Variants in TTLL12 observed in about 807,000 individuals in gnomAD.
The protein encoded by TTLL12 is tubulin--tyrosine ligase-like protein 12.
In TTLL12, 77 loss-of-function variants were observed where a neutral mutation model predicts 79.6. That is an observed-to-expected ratio of 0.97 (90% CI 0.81 to 1.17). The LOEUF (loss-of-function observed/expected upper bound fraction) is 1.17. TTLL12 is among the 50% of genes most tolerant of loss of function. The pLI, the probability that TTLL12 is intolerant of heterozygous loss-of-function variation, is 0.00. For missense variants in TTLL12, 969 were observed against 895.9 expected, an observed-to-expected ratio of 1.08 and a Z score of -1.04; for synonymous variants, 437 against 376.1, an observed-to-expected ratio of 1.16 and a Z score of -1.87.
At chr22:43,183,798 C>T (rs1275737113) in intron 1 of TTLL12, among the ~76,000 whole-genome samples, 2 of 152,366 alleles carry the variant, frequency 1.3e-5, no homozygotes, top group African/African-American at 2.4e-5. Context: ...CCTGGCACAG[C>T]CACACTCACG....
In TTLL12 at chr22:43,171,890, G is replaced by T; in HGVS notation, c.1504C>A (p.Leu502Ile). ...WLRFSNRAFA[L>I]NDLDDYEKHF... The stretch of plus-strand genomic sequence containing the variant: ...TTCTCGTAGTCATCCAGGTCGTTGA[G>T]TGCAAAGGCCCTGGAAGACAAGTGT... Residue 502 changes from leucine to isoleucine, a missense_variant, in exon 11 of 14, where the codon CTC (leucine) becomes ATC (isoleucine). Transcript: ENST00000216129. 1.9e-6 allele frequency: 3 copies of T among 1,614,138 alleles called. No individual in the cohort carries two copies. The highest frequency in any genetic ancestry group is 2.5e-6 in the Non-Finnish European group (3 of 1,179,994).
At chr22:43,185,248 TA>T (rs1324422673) in intron 1 of TTLL12, among the ~76,000 whole-genome samples, 22 of 272 alleles carry the variant, frequency 0.081, 1 homozygote, top group Admixed American at 0.17. Flanking sequence ...AGAAAAAAAT[TA>T]TATATATATA....
chr22:43,170,465 C>G (rs546961387), intron 11 of TTLL12, among the ~76,000 whole-genome samples: 1 of 152,234 alleles, frequency 6.6e-6, no homozygotes, highest in Non-Finnish European at 1.5e-5. Flanking sequence ...CGCATGTTCA[C>G]GCGCCATGAT....
chr22:43,179,393 G>A, intron 5 of TTLL12, among the ~76,000 whole-genome samples: 1 of 152,006 alleles, frequency 6.6e-6, no homozygotes, highest in Non-Finnish European at 1.5e-5. Context: ...ACGGATGCCA[G>A]CACCAGGCAC....
At position 43,176,413 on chromosome 22, in the gene TTLL12, CGGA is replaced by C; in HGVS notation, c.841-20_841-18del. The C allele has an allele frequency of 6.3e-7, 1 of 1,596,814 alleles. No individual in the cohort carries two copies. Among genetic ancestry groups the C allele is most frequent in the Non-Finnish European group, 8.5e-7 (1 of 1,172,380 alleles). ...CAGAATGGCCTAAAAGGAAACACAC[CGGA>C]AGTAGAGATGAGGTCAAGGAAGGGA... is the stretch of plus-strand genomic sequence containing the variant. On this transcript the variant is annotated intron_variant, in intron 5 of 13. Transcript: ENST00000216129.
In TTLL12 at chr22:43,169,642, C is replaced by G. The variant is rs550628461; in HGVS notation, c.1576-74G>C. The G allele has an allele frequency of 2.6e-6, 4 of 1,513,608 alleles. No individual in the cohort carries two copies. The African/African-American group carries it at 4.1e-5, about 16-fold the overall frequency. 93.8% of individuals were successfully genotyped at this position (1,513,608 alleles called of 1,614,324 possible). On this transcript the variant is annotated intron_variant, in intron 11 of 13. Transcript: ENST00000216129. ...CCGGGAGCAGGCAGCCTGCTACTGC[C>G]TGGACCAGGAGCTTCTGACACTGGG... is the stretch of plus-strand genomic sequence containing the variant.
At chr22:43,183,627 C>A (rs1799414077) in intron 1 of TTLL12, among the ~76,000 whole-genome samples, 2 of 152,236 alleles carry the variant, frequency 1.3e-5, no homozygotes, top group Admixed American at 1.3e-4. Flanking sequence ...TGAGTCAACT[C>A]ACAGAGAAGC....
At chr22:43,183,200 C>T in intron 1 of TTLL12, 51 bp from the exon 2 acceptor site, 1 of 1,602,934 alleles carries the variant, frequency 6.2e-7, no homozygotes, top group Non-Finnish European at 8.5e-7. Context: ...GACCCCACCC[C>T]AATGCCTTCA....
intron 2 of TTLL12, among the ~76,000 whole-genome samples, chr22:43,181,704 T>C (rs903299394): frequency 2.0e-5 from 3 of 152,004 alleles, no homozygotes; most frequent in Non-Finnish European, 4.4e-5. Flanking sequence ...CTTGCCCCCG[T>C]CTCTGTTCCC....
chr22:43,180,743 C>G lies in TTLL12; in HGVS notation c.545G>C (p.Gly182Ala), dbSNP rs747292298. 6.2e-7 allele frequency: 1 copy of G among 1,612,934 alleles called. No homozygotes were observed. Among genetic ancestry groups the G allele is most frequent in the East Asian group, 2.2e-5 (1 of 44,882 alleles). The change falls in exon 3 of 14, where the codon GGG (glycine) becomes GCG (alanine). Residue 182 changes from glycine to alanine, a missense_variant and splice_region_variant. Coordinates refer to ENST00000216129, the MANE Select transcript of TTLL12 (RefSeq NM_015140.4). ...CCCGGGGCCCAGCTACCCACTCACC[C>G]CATGGGCCAGCTGGTAGGTCTGGTT... ...KFNQTYQLAH[G>A]TAEEKMPVWY...
chr22:43,186,786 TCACCGCGGCTCC>T (rs1932195634), intron 1 of TTLL12, 95 bp downstream of exon 1: 1 of 1,117,174 alleles, frequency 9.0e-7, no homozygotes, highest in African/African-American at 1.6e-5. Flanking sequence ...TCTGGGTGGC[TCACCGCGGCTCC>T]CGCCGCCCGG....
At position 43,186,523 on chromosome 22, in the gene TTLL12, G is replaced by GT. The variant is rs560718376; in HGVS notation, c.177+369dup. ...AATTCACGGGGTTCCCGTTGTCCCT[G>GT]TGAGGCAGCGGCTGAAAGAATCCCT... On this transcript the variant is annotated intron_variant, in intron 1 of 13. Coordinates refer to ENST00000216129, the MANE Select transcript of TTLL12 (RefSeq NM_015140.4). Among the ~76,000 whole-genome samples the GT allele has an allele frequency of 2.0e-5, 3 of 152,334 alleles. No homozygotes were observed. The South Asian group carries it at 6.2e-4, about 32-fold the overall frequency.
Position 43,172,417 on chromosome 22 carries a change from C to T in TTLL12, c.1479G>A (p.Leu493=). 1 of 1,614,164 alleles carries T rather than the reference C, an allele frequency of 6.2e-7. No homozygotes were observed. Among genetic ancestry groups the T allele is most frequent in the East Asian group, 2.2e-5 (1 of 44,886 alleles). ...LRLFVYDVFW[L]RFSNRAFALN... is the part of the protein sequence containing the mutation. ...CCTCCACTTACCGGTTGGAGAACCG[C>T]AGCCAGAACACATCATACACGAACA... The change falls in exon 10 of 14, where the codon CTG becomes CTA. Residue 493 remains leucine, a synonymous_variant. Transcript: ENST00000216129.
At position 43,186,995 on chromosome 22, in the gene TTLL12, C is replaced by A; in HGVS notation, c.75G>T (p.Ala25=). The A allele has an allele frequency of 7.8e-7, 1 of 1,279,592 alleles. No homozygotes were observed. The allele number at this position is 1,279,592 out of a possible 1,614,324, so 79.3% of individuals were successfully genotyped here. Residue 25 remains alanine, a synonymous_variant, in exon 1 of 14, where the codon GCG becomes GCT. Coordinates refer to ENST00000216129, the MANE Select transcript of TTLL12 (RefSeq NM_015140.4). ...SSPGQTPEEG[A]QALAEFAALH... is the part of the protein sequence containing the mutation. ...GCGCCGCGAACTCGGCCAAGGCCTG[C>A]GCGCCCTCCTCCGGCGTCTGGCCCG...
At chr22:43,176,633 G>A (rs931210131) in intron 5 of TTLL12, among the ~76,000 whole-genome samples, 1 of 150,696 alleles carries the variant, frequency 6.6e-6, no homozygotes, top group African/African-American at 2.4e-5. Flanking sequence ...GGGAGGCTGA[G>A]GCAGGAGAAT....
rs1166302911 is a variant in TTLL12 at position 43,168,908 on chromosome 22, T to C, written c.1649A>G (p.Glu550Gly). 2.5e-6 allele frequency: 4 copies of C among 1,609,506 alleles called. No individual in the cohort carries two copies. In the East Asian group the frequency reaches 8.9e-5, roughly 36 times the overall value. Residue 550 changes from glutamate to glycine, a missense_variant, in exon 13 of 14, where the codon GAG (glutamate) becomes GGG (glycine). Coordinates refer to ENST00000216129, the MANE Select transcript of TTLL12 (RefSeq NM_015140.4). Reference protein sequence around the residue: ...PEFPWTDVQAEIFRAFTELFQ... With the variant: ...PEFPWTDVQAGIFRAFTELFQ... ...CAGCTCCGTGAAGGCCCGGAAGATC[T>C]CAGCCTGGGGACCGGGGAGCCTGAG...
At chr22:43,182,323 T>A (rs1932079118) in intron 2 of TTLL12, among the ~76,000 whole-genome samples, 1 of 152,218 alleles carries the variant, frequency 6.6e-6, no homozygotes, top group Admixed American at 6.5e-5. Flanking sequence ...GGCTTGCTAC[T>A]GCCCACTCCC....
intron 13 of TTLL12, 42 bp from the exon 14 acceptor site, chr22:43,168,201 C>T: frequency 1.9e-6 from 3 of 1,601,606 alleles, no homozygotes; most frequent in Non-Finnish European, 1.7e-6. Context: ...GCTCGTTGGC[C>T]TCCACTCTGC....
intron 9 of TTLL12, 49 bp downstream of exon 9, chr22:43,173,666 T>C: frequency 1.9e-6 from 3 of 1,557,802 alleles, no homozygotes; most frequent in Non-Finnish European, 2.6e-6. Context: ...CACCTCTCAC[T>C]GTCCAGCCAG....
Sources: allele counts gnomAD v4.1 joint callset (sites outside exome capture counted in the v4.1 genomes callset), GRCh38; gene constraint gnomAD v4.1.1; transcripts MANE v1.5; gene names NCBI Gene and HGNC (gene_info 2026-07-23, HGNC 2026-07-21).